Variants in TENM2 observed in about 807,000 individuals in gnomAD.
TENM2 encodes the protein teneurin transmembrane protein 2, also known as teneurin-2.
TENM2 carries 52 observed loss-of-function variants against 245.2 expected under a neutral mutation model. The ratio of observed to expected loss-of-function variants is 0.21; its 90% CI spans 0.17 to 0.27. The LOEUF is 0.27. TENM2 is among the 10% of genes least tolerant of loss of function. The probability of loss-of-function intolerance (pLI) is 1.00; values close to 1 mark genes in which losing one functional copy is unlikely to be tolerated. For missense variants in TENM2, 3,046 were observed against 3,666.8 expected (o/e 0.83, Z 4.37); for synonymous variants, 1,363 against 1,438.9 (o/e 0.95, Z 1.19).
At chr5:166,992,824 C>T in the TENM2 span, among the ~76,000 whole-genome samples, 1 of 152,156 alleles carries the variant, frequency 6.6e-6, no homozygotes, top group Non-Finnish European at 1.5e-5. Flanking sequence ...TTAAAATGAG[C>T]CAGATGTGCT....
chr5:168,003,834 C>G (rs528812052), intron 5 of TENM2, among the ~76,000 whole-genome samples: 2 of 152,138 alleles, frequency 1.3e-5, no homozygotes, highest in South Asian at 2.1e-4. Flanking sequence ...GCCTAATAGA[C>G]GAGAGTAATG....
At chr5:167,399,753 A>G (rs780546532) in intron 2 of TENM2, among the ~76,000 whole-genome samples, 2 of 152,124 alleles carry the variant, frequency 1.3e-5, no homozygotes, top group African/African-American at 4.8e-5. Context: ...AATATTTGAA[A>G]TGGGCTCAAT....
At chr5:168,030,822 G>A (rs1428759683) in intron 5 of TENM2, among the ~76,000 whole-genome samples, 1 of 152,164 alleles carries the variant, frequency 6.6e-6, no homozygotes, top group Non-Finnish European at 1.5e-5. Context: ...GCCATCTAAT[G>A]TGTTTTTTAC....
intron 1 of TENM2, among the ~76,000 whole-genome samples, chr5:167,296,745 C>T (rs959702962): frequency 2.0e-5 from 3 of 152,190 alleles, no homozygotes; most frequent in African/African-American, 7.2e-5. Context: ...TCATTTAATG[C>T]TTGCACTCTG....
intron 2 of TENM2, among the ~76,000 whole-genome samples, chr5:167,738,063 A>G (rs1760923104): frequency 6.6e-6 from 1 of 152,188 alleles, no homozygotes; most frequent in African/African-American, 2.4e-5. Flanking sequence ...TTGTGCTGAT[A>G]CTTGTTTTAT....
At chr5:168,084,306 T>C (rs144975749) in intron 7 of TENM2, among the ~76,000 whole-genome samples, 17 of 152,350 alleles carry the variant, frequency 1.1e-4, no homozygotes, top group Admixed American at 2.6e-4. Context: ...ATGGTAGTTC[T>C]GTTTTAAGTT....
At chr5:167,099,270 A>G in the TENM2 span, among the ~76,000 whole-genome samples, 9 of 152,226 alleles carry the variant, frequency 5.9e-5, no homozygotes, top group Non-Finnish European at 1.3e-4. Flanking sequence ...AGCAGTTGGC[A>G]TAGTGTTTGA....
chr5:167,920,011 G>A (rs1011788808), intron 3 of TENM2, among the ~76,000 whole-genome samples: 1 of 152,150 alleles, frequency 6.6e-6, no homozygotes, highest in Admixed American at 6.5e-5. Flanking sequence ...ATTTCGGAGT[G>A]CCTGAGGATT....
At chr5:167,870,964 C>T (rs1772781227) in intron 2 of TENM2, among the ~76,000 whole-genome samples, 1 of 151,926 alleles carries the variant, frequency 6.6e-6, no homozygotes, top group Admixed American at 6.6e-5. Context: ...TGCAACATGC[C>T]CTCTGTCATA....
At chr5:167,931,137 T>C (rs1778250956) in intron 3 of TENM2, among the ~76,000 whole-genome samples, 1 of 152,214 alleles carries the variant, frequency 6.6e-6, no homozygotes, top group South Asian at 2.1e-4. Context: ...ACTATAGAGA[T>C]TGTCAACAGC....
At chr5:167,366,684 A>G (rs1447369588) in intron 1 of TENM2, among the ~76,000 whole-genome samples, 2 of 152,152 alleles carry the variant, frequency 1.3e-5, no homozygotes, top group African/African-American at 4.8e-5. Context: ...AGGGGAAACT[A>G]TATAAAAGCA....
intron 3 of TENM2, among the ~76,000 whole-genome samples, chr5:167,922,789 C>T (rs2151645013): frequency 6.6e-6 from 1 of 152,300 alleles, no homozygotes; most frequent in East Asian, 1.9e-4. Flanking sequence ...TTGTCCTTAG[C>T]CTTACCTCGG....
At chr5:168,028,466 C>G (rs975742946) in intron 5 of TENM2, among the ~76,000 whole-genome samples, 1 of 152,138 alleles carries the variant, frequency 6.6e-6, no homozygotes, top group Admixed American at 6.5e-5. Context: ...CTTTTCTCCC[C>G]AAAGAACTCT....
At chr5:167,071,470 A>G in the TENM2 span, among the ~76,000 whole-genome samples, 4 of 152,234 alleles carry the variant, frequency 2.6e-5, no homozygotes, top group South Asian at 8.3e-4. Context: ...CAAGTTGAAG[A>G]CTTGAAAAGT....
chr5:167,189,287 G>A, the TENM2 span, among the ~76,000 whole-genome samples: 4 of 152,102 alleles, frequency 2.6e-5, no homozygotes, highest in Non-Finnish European at 1.5e-5. Flanking sequence ...TTGTTACGTA[G>A]TGTGGAAGAA....
Position 167,950,670 on chromosome 5 carries a change from A to ATCATTAT in TENM2, c.713-1917_713-1916insCATTATT, listed in dbSNP as rs1780015117. 5.3e-5 allele frequency among the ~76,000 whole-genome samples: 8 copies of ATCATTAT among 152,278 alleles called. No homozygotes were observed. In the South Asian group the frequency reaches 1.7e-3, roughly 32 times the overall value. On this transcript the variant is annotated intron_variant, in intron 3 of 28. Coordinates refer to ENST00000518659, the Ensembl canonical transcript of TENM2. ...CATTAACCATGTGTGAGGGGCTTGGATAGCATCCCTGAAGGATCATTATTA... is the reference window on the plus strand; with the variant it reads ...CATTAACCATGTGTGAGGGGCTTGGATCATTATTAGCATCCCTGAAGGATCATTATTA...
intron 19 of TENM2, among the ~76,000 whole-genome samples, chr5:168,205,016 A>T (rs137964245): frequency 3.3e-5 from 5 of 152,312 alleles, no homozygotes; most frequent in Non-Finnish European, 5.9e-5. Flanking sequence ...ATCTTTGCAC[A>T]TTCACTAGGA....
rs996208385 is a variant in TENM2, at chr5:167,789,905, T to C, written c.503-86081T>C. 2.6e-5 allele frequency among the ~76,000 whole-genome samples: 4 copies of C among 152,180 alleles called. No homozygotes were observed. In the East Asian group the frequency reaches 7.7e-4, roughly 29 times the overall value. ...CAGTGCTGGAGACATAATATGTACT[T>C]AATAAATGTTAACCAGCATCGTTTT... On this transcript the variant is annotated intron_variant, in intron 2 of 28. Coordinates refer to ENST00000518659, the Ensembl canonical transcript of TENM2.
At chr5:167,637,154 A>G (rs1779255167) in intron 2 of TENM2, among the ~76,000 whole-genome samples, 1 of 152,220 alleles carries the variant, frequency 6.6e-6, no homozygotes, top group African/African-American at 2.4e-5. Flanking sequence ...ACAGCACTTG[A>G]CACTAAGAAC....
Sources: gnomAD v4.1 joint callset for allele counts (sites outside exome capture counted in the v4.1 genomes callset) on GRCh38, gnomAD v4.1.1 for gene constraint, MANE v1.5 for transcripts, NCBI Gene and HGNC (gene_info 2026-07-23, HGNC 2026-07-21) for gene names.